SYNPR: variants seen among roughly 807,000 people sequenced by gnomAD.
SYNPR encodes synaptoporin.
A neutral mutation model predicts 32.9 loss-of-function variants in SYNPR; 23 were observed. The ratio of observed to expected loss-of-function variants is 0.70; its 90% confidence interval spans 0.50 to 0.99. SYNPR has a LOEUF of 0.99. Ranked by LOEUF, SYNPR falls within the 50% of genes least tolerant of loss-of-function variation. The pLI, the probability that SYNPR is intolerant of heterozygous loss-of-function variation, is 0.00. For synonymous variants in SYNPR, 146 were observed against 135.9 expected (o/e 1.07, Z -0.52); for missense variants, 318 against 349.3 (o/e 0.91, Z 0.71).
At chr3:63,520,272 A>ATGG (rs1701880907) in intron 3 of SYNPR, among the ~76,000 whole-genome samples, 2 of 152,234 alleles carry the variant, frequency 1.3e-5, no homozygotes, top group Non-Finnish European at 2.9e-5. Context: ...AATTCTGGGA[A>ATGG]AGGAATTCTG....
chr3:63,563,692 T>C lies in SYNPR; in HGVS notation c.408+6951T>C, dbSNP rs1702734168. ...CAACAGGCCAAGAAACATGTATTTA[T>C]GGGTGAATTAAAAGCATTTAGTCTG... is the stretch of plus-strand genomic sequence containing the variant. On this transcript the variant is annotated intron_variant, in intron 4 of 5. Transcript: ENST00000478300. 2.0e-5 allele frequency among the ~76,000 whole-genome samples: 3 copies of C among 152,136 alleles called. No individual in the cohort carries two copies. The South Asian group carries it at 6.2e-4, about 32-fold the overall frequency.
chr3:63,327,177 T>C (rs1290724702), intron 2 of SYNPR, among the ~76,000 whole-genome samples: 2 of 152,092 alleles, frequency 1.3e-5, no homozygotes, highest in Non-Finnish European at 1.5e-5. Context: ...GATAAATATA[T>C]ACATTATAAA....
intron 1 of SYNPR, among the ~76,000 whole-genome samples, chr3:63,234,058 G>A (rs1324696380): frequency 6.6e-6 from 1 of 152,132 alleles, no homozygotes; most frequent in Admixed American, 6.5e-5. Context: ...TGCTGATAAA[G>A]GCATACCTGA....
chr3:63,576,081 C>G, intron 4 of SYNPR, among the ~76,000 whole-genome samples: 1 of 152,116 alleles, frequency 6.6e-6, no homozygotes, highest in East Asian at 1.9e-4. Context: ...ACTACAGCTA[C>G]AAAGAAATCC....
At chr3:63,288,713 T>A (rs2086709651) in intron 2 of SYNPR, among the ~76,000 whole-genome samples, 1 of 152,248 alleles carries the variant, frequency 6.6e-6, no homozygotes, top group African/African-American at 2.4e-5. Context: ...CTCTGGCCCT[T>A]TATGTTAGAA....
At position 63,439,061 on chromosome 3, in the gene SYNPR, T is replaced by C. The variant is rs1700128342; in HGVS notation, c.85-41771T>C. Among the ~76,000 whole-genome samples the C allele has an allele frequency of 4.6e-5, 7 of 152,266 alleles. No individual in the cohort carries two copies. In the South Asian group the frequency reaches 1.4e-3, roughly 32 times the overall value. On this transcript the variant is annotated intron_variant, in intron 2 of 5. Coordinates refer to ENST00000478300, the MANE Select transcript of SYNPR (RefSeq NM_001130003.2). The stretch of plus-strand genomic sequence containing the variant: ...AGGCCAGATGTTTAGAAATAGAAGC[T>C]ATAAGGCAAAGGAACTGTTGCATTT...
chr3:63,508,915 C>CTA (rs918701029), intron 3 of SYNPR, among the ~76,000 whole-genome samples: 1 of 152,058 alleles, frequency 6.6e-6, no homozygotes, highest in Admixed American at 6.6e-5. Flanking sequence ...AACCTTGTCT[C>CTA]TAGTCTTCTG....
intron 2 of SYNPR, among the ~76,000 whole-genome samples, chr3:63,365,121 T>C (rs2107041423): frequency 6.6e-6 from 1 of 152,288 alleles, no homozygotes; most frequent in Admixed American, 6.5e-5. Flanking sequence ...GGTACACACA[T>C]ACCAGCAGAG....
intron 2 of SYNPR, among the ~76,000 whole-genome samples, chr3:63,254,930 G>A (rs899893098): frequency 6.6e-6 from 1 of 152,198 alleles, no homozygotes; most frequent in Non-Finnish European, 1.5e-5. Flanking sequence ...ACAGGGAGAA[G>A]ATGGCCATCC....
In SYNPR at chr3:63,478,907, T is replaced by C. The variant is rs563309425; in HGVS notation, c.85-1925T>C. Among the ~76,000 whole-genome samples, 253 of 152,304 alleles carry C rather than the reference T, an allele frequency of 1.7e-3. 1 individual carries two copies. The highest frequency in any genetic ancestry group is 5.7e-3 in the African/African-American group (235 of 41,570). On this transcript the variant is annotated intron_variant, in intron 2 of 5. Coordinates refer to ENST00000478300, the MANE Select transcript of SYNPR (RefSeq NM_001130003.2). The stretch of plus-strand genomic sequence containing the variant: ...GGCTGATGAAAACTAGAATTAAGCA[T>C]TGAACCATTAAAATCACCTTCTCTT...
chr3:63,495,861 A>G (rs529911545), intron 3 of SYNPR, among the ~76,000 whole-genome samples: 1 of 152,122 alleles, frequency 6.6e-6, no homozygotes, highest in African/African-American at 2.4e-5. Flanking sequence ...TACTCTGTAT[A>G]ATACTATAAT....
At chr3:63,552,242 A>C (rs1702516322) in intron 3 of SYNPR, among the ~76,000 whole-genome samples, 2 of 152,152 alleles carry the variant, frequency 1.3e-5, no homozygotes, top group African/African-American at 4.8e-5. Flanking sequence ...AAAGTGTATT[A>C]AGTCAATGCC....
chr3:63,545,953 C>T (rs147111931), intron 3 of SYNPR, among the ~76,000 whole-genome samples: 188 of 152,058 alleles, frequency 1.2e-3, no homozygotes, highest in African/African-American at 4.1e-3. Flanking sequence ...CTATACTAAC[C>T]GAATAAAATA....
At chr3:63,305,136 C>A (rs1311241748) in intron 2 of SYNPR, among the ~76,000 whole-genome samples, 2 of 151,926 alleles carry the variant, frequency 1.3e-5, no homozygotes, top group Non-Finnish European at 2.9e-5. Context: ...GCTCATGAGG[C>A]AAAAGACTAA....
chr3:63,389,039 T>C (rs1325372789), intron 2 of SYNPR, among the ~76,000 whole-genome samples: 1 of 152,182 alleles, frequency 6.6e-6, no homozygotes, highest in African/African-American at 2.4e-5. Context: ...TTTTATCGAA[T>C]TTTGATCAGC....
At chr3:63,349,369 G>A (rs924013242) in intron 2 of SYNPR, among the ~76,000 whole-genome samples, 3 of 152,102 alleles carry the variant, frequency 2.0e-5, no homozygotes, top group Non-Finnish European at 2.9e-5. Flanking sequence ...CAAAGTCCTG[G>A]AATTACAGGC....
At chr3:63,365,447 G>A (rs2087718926) in intron 2 of SYNPR, among the ~76,000 whole-genome samples, 1 of 152,088 alleles carries the variant, frequency 6.6e-6, no homozygotes. Context: ...GCTATGATCT[G>A]TTTTACATTG....
At chr3:63,452,762 G>A (rs182702251) in intron 2 of SYNPR, among the ~76,000 whole-genome samples, 17 of 152,196 alleles carry the variant, frequency 1.1e-4, no homozygotes, top group African/African-American at 3.1e-4. Context: ...GCTTAGGTGC[G>A]TTTGACCCCA....
At chr3:63,445,166 A>G (rs1235272684) in intron 2 of SYNPR, among the ~76,000 whole-genome samples, 1 of 152,148 alleles carries the variant, frequency 6.6e-6, no homozygotes. Context: ...GTCATTTGCT[A>G]TAGACAGAGC....
Sources: gnomAD v4.1 joint callset for allele counts (sites outside exome capture counted in the v4.1 genomes callset) on GRCh38, gnomAD v4.1.1 for gene constraint, MANE v1.5 for transcripts, NCBI Gene and HGNC (gene_info 2026-07-23, HGNC 2026-07-21) for gene names.